Variants in HSPA12A observed in about 807,000 individuals in gnomAD.
HSPA12A encodes the protein heat shock protein family A (Hsp70) member 12A.
A neutral mutation model predicts 69.2 loss-of-function variants in HSPA12A; 28 were observed. That is an observed-to-expected ratio of 0.40 (90% CI 0.30 to 0.55). The LOEUF (loss-of-function observed/expected upper bound fraction) is 0.55, where lower values mean the gene tolerates loss of function less well. Among genes scored for constraint, HSPA12A ranks in the 20% least tolerant of loss-of-function variants. HSPA12A has a pLI of 0.38. For synonymous variants in HSPA12A, 345 were observed against 370.5 expected, an observed-to-expected ratio of 0.93 and a Z score of 0.79; for missense variants, 686 against 900.7, an observed-to-expected ratio of 0.76 and a Z score of 3.05.
At chr10:116,684,527 G>A (rs1169767705) in intron 6 of HSPA12A, among the ~76,000 whole-genome samples, 1 of 152,004 alleles carries the variant, frequency 6.6e-6, no homozygotes, top group South Asian at 2.1e-4. Context: ...TAACCGACCT[G>A]TTATCTCCAG....
chr10:116,682,562 A>G (rs1011034721), intron 7 of HSPA12A, among the ~76,000 whole-genome samples: 1 of 152,056 alleles, frequency 6.6e-6, no homozygotes, highest in Non-Finnish European at 1.5e-5. Flanking sequence ...CCATGAACAC[A>G]GGGACAACCT....
intron 2 of HSPA12A, among the ~76,000 whole-genome samples, chr10:116,826,509 G>A (rs1350581465): frequency 6.6e-6 from 1 of 152,190 alleles, no homozygotes; most frequent in Non-Finnish European, 1.5e-5. Context: ...GAGTGTCACC[G>A]CCCCTGCCTG....
At chr10:116,706,196 CTT>C (rs5788187) in intron 2 of HSPA12A, among the ~76,000 whole-genome samples, 10,469 of 146,354 alleles carry the variant, frequency 0.072, 1,247 homozygotes, top group African/African-American at 0.25. Context: ...CGCCTGGCCT[CTT>C]TTTTTTTTTT....
At chr10:116,823,957 G>C (rs1589726833) in intron 2 of HSPA12A, among the ~76,000 whole-genome samples, 3 of 152,118 alleles carry the variant, frequency 2.0e-5, no homozygotes, top group African/African-American at 7.2e-5. Context: ...TCATCAAGAA[G>C]GTGAAAAGGC....
Position 116,724,969 on chromosome 10 carries a change from C to T in HSPA12A, c.40+17461G>A, listed in dbSNP as rs956356705. On this transcript the variant is annotated intron_variant, in intron 1 of 11. Coordinates refer to ENST00000369209, the MANE Select transcript of HSPA12A (RefSeq NM_025015.3). ...TCCCAGCAACACCGTGGTGCAGGCT[C>T]TTTTTCTCAGCTCCGTCCCCCAGAG... Among the ~76,000 whole-genome samples, 11 of 152,220 alleles carry T rather than the reference C, an allele frequency of 7.2e-5. No homozygotes were observed. In the South Asian group the frequency reaches 8.3e-4, roughly 11 times the overall value.
At chr10:116,779,125 C>T (rs1844405254) in intron 2 of HSPA12A, among the ~76,000 whole-genome samples, 2 of 152,230 alleles carry the variant, frequency 1.3e-5, no homozygotes, top group African/African-American at 2.4e-5. Context: ...CACGTGGTTT[C>T]CAAGCCCTCC....
At chr10:116,769,136 C>T (rs982998696) in intron 2 of HSPA12A, among the ~76,000 whole-genome samples, 1 of 152,212 alleles carries the variant, frequency 6.6e-6, no homozygotes, top group African/African-American at 2.4e-5. Flanking sequence ...CCAGCCACCA[C>T]TAGGATCTTC....
chr10:116,776,684 T>C (rs1318153158), intron 2 of HSPA12A, among the ~76,000 whole-genome samples: 1 of 152,176 alleles, frequency 6.6e-6, no homozygotes, highest in African/African-American at 2.4e-5. Flanking sequence ...CCACAGAGCA[T>C]CAAAATATAA....
chr10:116,692,244 A>G, intron 6 of HSPA12A, 107 bp downstream of exon 6: 1 of 809,644 alleles, frequency 1.2e-6, no homozygotes. Context: ...GCTGCCTCCC[A>G]TGGAGGCCAG....
chr10:116,847,850 T>C (rs1386110666), intron 1 of HSPA12A, among the ~76,000 whole-genome samples: 1 of 152,168 alleles, frequency 6.6e-6, no homozygotes, highest in Non-Finnish European at 1.5e-5. Flanking sequence ...CAATCTTCCA[T>C]TGAGATGTCA....
At chr10:116,739,514 C>G (rs1851414542) in intron 1 of HSPA12A, among the ~76,000 whole-genome samples, 1 of 152,080 alleles carries the variant, frequency 6.6e-6, no homozygotes, top group Non-Finnish European at 1.5e-5. Context: ...AAGCCCGTGC[C>G]CTGGAAAAAA....
At chr10:116,750,183 A>T in intron 2 of HSPA12A, 1 of 642,438 alleles carries the variant, frequency 1.6e-6, no homozygotes, top group South Asian at 1.7e-5. Flanking sequence ...CTGACAAATT[A>T]TGCTGCGGCA....
rs747534676 is a variant in HSPA12A, at chr10:116,817,510, A to AGT, written c.91+17423_91+17424dup. ...TTCAAGGCTCTGGCAGAGGAAATCC[A>AGT]GTGTGTGTGTGTGGGTGGGGGTGGG... On this transcript the variant is annotated intron_variant, in intron 2 of 12. Coordinates refer to the HSPA12A transcript ENST00000635765. Among the ~76,000 whole-genome samples, 726 of 107,970 alleles carry AGT rather than the reference A, an allele frequency of 6.7e-3. 3 individuals carry two copies. The highest frequency in any genetic ancestry group is 9.4e-3 in the Non-Finnish European group (553 of 59,092). The allele number at this position is 107,970 out of a possible 152,430, so 70.8% of individuals were successfully genotyped here.
At chr10:116,708,397 A>G (rs1554882737) in intron 1 of HSPA12A, among the ~76,000 whole-genome samples, 1 of 152,228 alleles carries the variant, frequency 6.6e-6, no homozygotes, top group East Asian at 1.9e-4. Context: ...GAGGTGTCTG[A>G]GAAAAGCCTG....
At chr10:116,769,152 G>C (rs1452276155) in intron 2 of HSPA12A, among the ~76,000 whole-genome samples, 1 of 152,140 alleles carries the variant, frequency 6.6e-6, no homozygotes, top group African/African-American at 2.4e-5. Context: ...TCTTCTGACT[G>C]ACCAATCATC....
chr10:116,819,398 A>G (rs1845368531), intron 2 of HSPA12A, among the ~76,000 whole-genome samples: 1 of 152,162 alleles, frequency 6.6e-6, no homozygotes, highest in African/African-American at 2.4e-5. Context: ...CTATGTTGAA[A>G]TCTAATTCCC....
rs782466628 is a variant in HSPA12A at position 116,692,353 on chromosome 10, G to C, written c.661C>G (p.Gln221Glu). The change falls in exon 6 of 12, where the codon CAG becomes GAG. Residue 221 changes from glutamine to glutamate, a missense_variant and splice_region_variant. By Grantham distance (29) the Gln-to-Glu change is conservative (BLOSUM62 2). Coordinates refer to ENST00000369209, the MANE Select transcript of HSPA12A (RefSeq NM_025015.3). ...ACCCGCCCTGACTCTACCCTCACCTGGTAGGCAGCTTGTCTCATGAACTGC... is the reference window on the plus strand; with the variant it reads ...ACCCGCCCTGACTCTACCCTCACCTCGTAGGCAGCTTGTCTCATGAACTGC... ...AKQFMRQAAY[Q>E]AGLASPENSE... 1.2e-6 allele frequency: 2 copies of C among 1,612,666 alleles called. No individual in the cohort carries two copies. The highest frequency in any genetic ancestry group is 2.2e-5 in the South Asian group (2 of 91,036).
Position 116,709,771 on chromosome 10 carries a change from T to C in HSPA12A, c.41-2486A>G, listed in dbSNP as rs957266256. Among the ~76,000 whole-genome samples the C allele has an allele frequency of 2.6e-5, 4 of 152,162 alleles. No individual in the cohort carries two copies. In the East Asian group the frequency reaches 7.7e-4, roughly 29 times the overall value. ...GGTAGTGAAAAATTTTGGAAATAGA[T>C]AGTGGTGATGGTTGCACAACATTGT... On this transcript the variant is annotated intron_variant, in intron 1 of 11. Coordinates refer to ENST00000369209, the MANE Select transcript of HSPA12A (RefSeq NM_025015.3).
intron 2 of HSPA12A, among the ~76,000 whole-genome samples, chr10:116,788,338 G>A (rs1392686694): frequency 6.6e-6 from 1 of 152,158 alleles, no homozygotes; most frequent in Admixed American, 6.5e-5. Flanking sequence ...ATTTAATACC[G>A]AAGCGAAAAC....
Sources: gnomAD v4.1 joint callset for allele counts (sites outside exome capture counted in the v4.1 genomes callset) on GRCh38, gnomAD v4.1.1 for gene constraint, MANE v1.5 for transcripts, NCBI Gene and HGNC (gene_info 2026-07-23, HGNC 2026-07-21) for gene names.